The following PDK1 variants were observed in gnomAD, a reference collection of about 807,000 sequenced individuals.
The protein encoded by PDK1 is [Pyruvate dehydrogenase (acetyl-transferring)] kinase isozyme 1, mitochondrial.
Under a neutral mutation model 54.2 loss-of-function variants are expected in PDK1, and 39 were observed. That is an observed-to-expected ratio of 0.72 (90% CI 0.56 to 0.94). The LOEUF (loss-of-function observed/expected upper bound fraction) is 0.94, where lower values mean the gene tolerates loss of function less well. PDK1 is among the 40% of genes least tolerant of loss of function. The pLI is 0.00. For synonymous variants in PDK1, 221 were observed against 207.1 expected (o/e 1.07, Z -0.58); for missense variants, 552 against 566.0 (o/e 0.98, Z 0.25).
At chr2:172,624,256 G>A in the PDK1 span, among the ~76,000 whole-genome samples, 63 of 152,254 alleles carry the variant, frequency 4.1e-4, no homozygotes, top group African/African-American at 1.5e-3. Flanking sequence ...ATACACTAGA[G>A]CAGGAGTTCC....
chr2:172,714,502 A>AT, the PDK1 span, among the ~76,000 whole-genome samples: 1 of 152,086 alleles, frequency 6.6e-6, no homozygotes, highest in East Asian at 1.9e-4. Flanking sequence ...TGTTGAAATT[A>AT]AAATGTATGT....
chr2:172,678,002 GT>G, the PDK1 span, among the ~76,000 whole-genome samples: 1 of 151,930 alleles, frequency 6.6e-6, no homozygotes, highest in African/African-American at 2.4e-5. Flanking sequence ...AACCCTGTCT[GT>G]ACTAAAAATA....
the PDK1 span, among the ~76,000 whole-genome samples, chr2:172,631,706 G>A: frequency 0.016 from 2,490 of 152,132 alleles, 67 homozygotes; most frequent in African/African-American, 0.055. Flanking sequence ...GGGGACAAAG[G>A]TATATATCCT....
the PDK1 span, among the ~76,000 whole-genome samples, chr2:172,642,338 T>C: frequency 6.6e-6 from 1 of 152,188 alleles, no homozygotes; most frequent in Non-Finnish European, 1.5e-5. Flanking sequence ...AGATGGAATA[T>C]CAATTATGTA....
At chr2:172,698,846 G>T in the PDK1 span, among the ~76,000 whole-genome samples, 1 of 152,186 alleles carries the variant, frequency 6.6e-6, no homozygotes, top group African/African-American at 2.4e-5. Context: ...TTGCAGGAGA[G>T]TCTCAGGTAC....
chr2:172,675,516 G>A, the PDK1 span, among the ~76,000 whole-genome samples: 6 of 152,170 alleles, frequency 3.9e-5, no homozygotes, highest in East Asian at 1.9e-4. Flanking sequence ...CAAACCAGCC[G>A]TAACATTCCC....
At chr2:172,616,901 A>C in the PDK1 span, among the ~76,000 whole-genome samples, 1 of 152,148 alleles carries the variant, frequency 6.6e-6, no homozygotes, top group East Asian at 1.9e-4. Flanking sequence ...CTTTCCCAAT[A>C]AGATGTTCTT....
intron 8 of PDK1, among the ~76,000 whole-genome samples, chr2:172,585,316 ATTT>A (rs538241255): frequency 8.7e-5 from 9 of 103,304 alleles, no homozygotes; most frequent in African/African-American, 3.6e-4. Context: ...TGCATTTTTA[ATTT>A]TTTTTTTTTT....
the PDK1 span, among the ~76,000 whole-genome samples, chr2:172,699,083 C>G: frequency 6.6e-6 from 1 of 152,174 alleles, no homozygotes; most frequent in African/African-American, 2.4e-5. Flanking sequence ...TAACATATGT[C>G]TCATGTCCCC....
chr2:172,682,969 C>T, the PDK1 span, among the ~76,000 whole-genome samples: 1 of 152,054 alleles, frequency 6.6e-6, no homozygotes, highest in Non-Finnish European at 1.5e-5. Context: ...GTGCTGATAC[C>T]TTATAAGGCT....
chr2:172,602,315 C>G lies in PDK1; in HGVS notation c.*6346C>G, dbSNP rs1265979985. On this transcript the variant is annotated 3_prime_UTR_variant, in exon 11 of 11. Coordinates refer to ENST00000282077, the MANE Select transcript of PDK1 (RefSeq NM_002610.5). Reference sequence around the variant, plus strand: ...GCAAAAGGAGAATCTTTCCCAGGAACAGGAGGATGTTTTAATAAAAATATG... The same window carrying G: ...GCAAAAGGAGAATCTTTCCCAGGAAGAGGAGGATGTTTTAATAAAAATATG... The G allele has an allele frequency of 6.6e-6, 1 of 152,120 alleles. No individual in the cohort carries two copies. Among genetic ancestry groups the G allele is most frequent in the Non-Finnish European group, 1.5e-5 (1 of 68,026 alleles). 9.4% of individuals were successfully genotyped at this position (152,120 alleles called of 1,614,324 possible).
At chr2:172,636,885 T>C in the PDK1 span, among the ~76,000 whole-genome samples, 1 of 152,016 alleles carries the variant, frequency 6.6e-6, no homozygotes, top group Admixed American at 6.6e-5. Context: ...ATCCAGACGA[T>C]GTCAGTCTAC....
chr2:172,703,760 TTC>T, the PDK1 span, among the ~76,000 whole-genome samples: 2 of 138,798 alleles, frequency 1.4e-5, no homozygotes, highest in East Asian at 2.0e-4. Context: ...TTTTCTTTCT[TTC>T]TTTCTTTTTT....
At chr2:172,681,759 T>C in the PDK1 span, among the ~76,000 whole-genome samples, 1 of 152,158 alleles carries the variant, frequency 6.6e-6, no homozygotes, top group African/African-American at 2.4e-5. Flanking sequence ...CAATTTTATC[T>C]ATTAGTTATT....
At chr2:172,558,998 G>T in intron 2 of PDK1, 149 bp downstream of exon 2, 1 of 766,962 alleles carries the variant, frequency 1.3e-6, no homozygotes, top group Non-Finnish European at 2.0e-6. Context: ...GCCCAGGCTG[G>T]AGTGCAGTGG....
chr2:172,622,798 TTATA>T, the PDK1 span, among the ~76,000 whole-genome samples: 5 of 148,026 alleles, frequency 3.4e-5, no homozygotes, highest in East Asian at 5.9e-4. Flanking sequence ...TGAGATATGT[TTATA>T]TATTATGTAT....
intron 3 of PDK1, 99 bp downstream of exon 3, chr2:172,562,390 A>G (rs1688701604): frequency 2.6e-6 from 2 of 763,792 alleles, no homozygotes; most frequent in Middle Eastern, 2.6e-4. Context: ...AACATGTGAT[A>G]TATGTGACTG....
At chr2:172,568,135 A>G (rs904783371) in intron 6 of PDK1, among the ~76,000 whole-genome samples, 5 of 151,936 alleles carry the variant, frequency 3.3e-5, no homozygotes, top group Non-Finnish European at 5.9e-5. Context: ...AGTTCGAGAC[A>G]AGCCTGGCCA....
At chr2:172,717,242 G>A in the PDK1 span, among the ~76,000 whole-genome samples, 1 of 152,190 alleles carries the variant, frequency 6.6e-6, no homozygotes, top group Non-Finnish European at 1.5e-5. Flanking sequence ...AACTAAACCT[G>A]TGTGCATGTG....
Sources: gnomAD v4.1 joint callset for allele counts (sites outside exome capture counted in the v4.1 genomes callset) on GRCh38, gnomAD v4.1.1 for gene constraint, MANE v1.5 for transcripts, NCBI Gene and HGNC (gene_info 2026-07-23, HGNC 2026-07-21) for gene names.